Variants in TBX5 observed in about 807,000 individuals in gnomAD.
TBX5 encodes the protein T-box transcription factor TBX5.
TBX5 carries 8 observed loss-of-function variants against 51.1 expected under a neutral mutation model. That is an observed-to-expected ratio of 0.16 (90% CI 0.09 to 0.28). TBX5 has a LOEUF of 0.28. Among genes scored for constraint, TBX5 ranks in the 10% least tolerant of loss-of-function variants. The pLI, the probability that TBX5 is intolerant of heterozygous loss-of-function variation, is 1.00. For missense variants in TBX5, 589 were observed against 671.7 expected, an observed-to-expected ratio of 0.88 and a Z score of 1.36; for synonymous variants, 302 against 266.4, an observed-to-expected ratio of 1.13 and a Z score of -1.30.
chr12:114,373,136 A>G (rs146183772), intron 7 of TBX5, among the ~76,000 whole-genome samples: 1 of 152,236 alleles, frequency 6.6e-6, no homozygotes, highest in East Asian at 1.9e-4. Flanking sequence ...CAAAAATGTC[A>G]AATATTTAGA....
At chr12:114,403,291 A>G (rs939460662) in intron 2 of TBX5, among the ~76,000 whole-genome samples, 4 of 152,174 alleles carry the variant, frequency 2.6e-5, no homozygotes, top group Admixed American at 6.5e-5. Context: ...AGGCAGGAGG[A>G]GGCGGGAGGA....
Position 114,366,250 on chromosome 12 carries a change from G to A in TBX5, c.897C>T (p.Gly299=), listed in dbSNP as rs1184236909. ...SQYQCENGVS[G]PSQDLLPPPN... is the part of the protein sequence containing the mutation. ...GTGGAGGCAGGAGGTCCTGGGAGGGGCCGGAAACACCATTCTCACACTGGT... is the reference window on the plus strand; with the variant it reads ...GTGGAGGCAGGAGGTCCTGGGAGGGACCGGAAACACCATTCTCACACTGGT... Residue 299 remains glycine (G), a synonymous_variant, in exon 8 of 9, where the codon GGC becomes GGT. Coordinates refer to ENST00000405440, the MANE Select transcript of TBX5 (RefSeq NM_181486.4). 1.9e-6 allele frequency: 3 copies of A among 1,614,062 alleles called. No homozygotes were observed. In the South Asian group the frequency reaches 3.3e-5, roughly 18 times the overall value.
At chr12:114,361,440 G>C (rs1367691595) in intron 8 of TBX5, among the ~76,000 whole-genome samples, 1 of 152,182 alleles carries the variant, frequency 6.6e-6, no homozygotes, top group African/African-American at 2.4e-5. Flanking sequence ...GTGGGGGTGA[G>C]AGTCAGGGGT....
At position 114,384,211 on chromosome 12, in the gene TBX5, T is replaced by C. The variant is rs1251735729; in HGVS notation, c.755+1265A>G. Among the ~76,000 whole-genome samples the C allele has an allele frequency of 3.3e-5, 5 of 152,082 alleles. No individual in the cohort carries two copies. In the East Asian group the frequency reaches 9.6e-4, roughly 29 times the overall value. On this transcript the variant is annotated intron_variant, in intron 7 of 8. Transcript: ENST00000405440. ...GGAAACCAATTTATGAAAACAGGAA[T>C]GTGTGCACAGATGTACCACACTCCT...
chr12:114,388,616 T>TC (rs560469480), intron 6 of TBX5, among the ~76,000 whole-genome samples: 16 of 152,150 alleles, frequency 1.1e-4, no homozygotes, highest in Non-Finnish European at 1.9e-4. Context: ...GTGCTGAGAT[T>TC]ATACACATGA....
At chr12:114,360,004 T>A (rs1869144919) in intron 8 of TBX5, among the ~76,000 whole-genome samples, 1 of 152,206 alleles carries the variant, frequency 6.6e-6, no homozygotes, top group Non-Finnish European at 1.5e-5. Context: ...TTGGGTAGAT[T>A]ACAGAGCTGG....
chr12:114,398,370 T>C (rs1871551497), intron 5 of TBX5, among the ~76,000 whole-genome samples: 1 of 150,018 alleles, frequency 6.7e-6, no homozygotes, highest in Non-Finnish European at 1.5e-5. Flanking sequence ...AATGAGAGAA[T>C]TGAGACGGAG....
intron 6 of TBX5, among the ~76,000 whole-genome samples, 165 bp downstream of exon 6, chr12:114,394,576 C>A (rs915028577): frequency 6.6e-6 from 1 of 152,186 alleles, no homozygotes; most frequent in Non-Finnish European, 1.5e-5. Flanking sequence ...GTAAAAACAG[C>A]TGAAACTCTT....
intron 7 of TBX5, among the ~76,000 whole-genome samples, chr12:114,384,535 C>G (rs1204031986): frequency 6.6e-6 from 1 of 152,102 alleles, no homozygotes; most frequent in Admixed American, 6.6e-5. Flanking sequence ...AATATTAAAA[C>G]CACAGATTTA....
At chr12:114,392,071 G>C (rs893926361) in intron 6 of TBX5, among the ~76,000 whole-genome samples, 2 of 151,778 alleles carry the variant, frequency 1.3e-5, no homozygotes, top group African/African-American at 4.8e-5. Context: ...ATTATTGTGT[G>C]TGAACACTTA....
Position 114,403,921 on chromosome 12 carries a change from C to G in TBX5, c.-23G>C, listed in dbSNP as rs571328934. On this transcript the variant is annotated 5_prime_UTR_variant, in exon 2 of 9. Transcript: ENST00000405440. ...CATGGTGCGCCCAGGGCCCTGTGCC[C>G]GCGCAAGGTTCTGCTCTGAGGACAA... 29 of 1,607,788 alleles carry G rather than the reference C, an allele frequency of 1.8e-5. No individual in the cohort carries two copies. Among genetic ancestry groups the G allele is most frequent in the Middle Eastern group, 1.7e-4 (1 of 5,842 alleles).
At chr12:114,372,458 C>T (rs1869961843) in intron 7 of TBX5, among the ~76,000 whole-genome samples, 1 of 150,058 alleles carries the variant, frequency 6.7e-6, no homozygotes, top group South Asian at 2.1e-4. Context: ...GCATGTGCCA[C>T]CACACCCAGC....
intron 7 of TBX5, among the ~76,000 whole-genome samples, chr12:114,383,381 C>T (rs1283632275): frequency 6.6e-6 from 1 of 152,164 alleles, no homozygotes; most frequent in Non-Finnish European, 1.5e-5. Flanking sequence ...GGTTTGAAGC[C>T]TTTCCTTTAG....
chr12:114,407,543 A>C (rs1872304443), upstream of TBX5, among the ~76,000 whole-genome samples: 1 of 152,146 alleles, frequency 6.6e-6, no homozygotes, highest in Non-Finnish European at 1.5e-5. Flanking sequence ...GAGAGGAAAA[A>C]TCTGGACTCT....
intron 4 of TBX5, 68 bp downstream of exon 4, chr12:114,399,445 T>C (rs897836959): frequency 5.3e-5 from 85 of 1,609,194 alleles, no homozygotes; most frequent in Admixed American, 3.3e-5. Flanking sequence ...CTGATACAAC[T>C]TTTCAACTTT....
At chr12:114,391,677 C>A (rs1040936538) in intron 6 of TBX5, among the ~76,000 whole-genome samples, 1 of 152,192 alleles carries the variant, frequency 6.6e-6, no homozygotes, top group South Asian at 2.1e-4. Flanking sequence ...TAACCCTATG[C>A]GATGGTGAGC....
At chr12:114,368,494 T>C (rs1223730989) in intron 7 of TBX5, among the ~76,000 whole-genome samples, 1 of 152,248 alleles carries the variant, frequency 6.6e-6, no homozygotes, top group Admixed American at 6.5e-5. Context: ...ATAGGTATTA[T>C]CTTTGATCCC....
intron 8 of TBX5, among the ~76,000 whole-genome samples, chr12:114,361,550 C>T (rs547907274): frequency 4.3e-4 from 66 of 152,246 alleles, no homozygotes; most frequent in African/African-American, 1.6e-3. Context: ...TTGGCTCAGT[C>T]CATCGGGAGA....
At chr12:114,387,693 C>A (rs909044429) in intron 6 of TBX5, among the ~76,000 whole-genome samples, 11 of 152,134 alleles carry the variant, frequency 7.2e-5, no homozygotes, top group African/African-American at 2.7e-4. Context: ...AGTGTAGGCT[C>A]ATCAACTGCA....
Sources: gnomAD v4.1 joint callset for allele counts (sites outside exome capture counted in the v4.1 genomes callset) on GRCh38, gnomAD v4.1.1 for gene constraint, MANE v1.5 for transcripts, NCBI Gene and HGNC (gene_info 2026-07-23, HGNC 2026-07-21) for gene names.